The following ENPP6 variants were observed in gnomAD, a reference collection of about 807,000 sequenced individuals.
ENPP6 encodes ectonucleotide pyrophosphatase/phosphodiesterase 6, also known as glycerophosphocholine cholinephosphodiesterase ENPP6.
ENPP6 carries 32 observed loss-of-function variants against 42.0 expected under a neutral mutation model. That is an observed-to-expected ratio of 0.76 (90% confidence interval 0.58 to 1.02). ENPP6 has a LOEUF of 1.02. Among genes scored for constraint, ENPP6 ranks in the 50% least tolerant of loss-of-function variants. The pLI is 0.00. For synonymous variants in ENPP6, 213 were observed against 216.0 expected, an observed-to-expected ratio of 0.99 and a Z score of 0.12; for missense variants, 552 against 566.8, an observed-to-expected ratio of 0.97 and a Z score of 0.27.
At chr4:184,103,239 A>G (rs1157416720) in intron 6 of ENPP6, among the ~76,000 whole-genome samples, 1 of 152,182 alleles carries the variant, frequency 6.6e-6, no homozygotes, top group Non-Finnish European at 1.5e-5. Flanking sequence ...CATTTTGACT[A>G]TTGTGTCTCC....
Position 184,184,228 on chromosome 4 carries a change from G to GAACTTTA in ENPP6, c.242-30496_242-30495insTAAAGTT, listed in dbSNP as rs1732597396. Among the ~76,000 whole-genome samples the GAACTTTA allele has an allele frequency of 6.6e-6, 1 of 152,138 alleles. No homozygotes were observed. Among genetic ancestry groups the GAACTTTA allele is most frequent in the African/African-American group, 2.4e-5 (1 of 41,426 alleles). On this transcript the variant is annotated intron_variant, in intron 1 of 7. Coordinates refer to ENST00000296741, the MANE Select transcript of ENPP6 (RefSeq NM_153343.4). This position sits in a 1 kb window ranked among gnomAD's most constrained non-coding sequence, Gnocchi z 4.7. Reference sequence around the variant, plus strand: ...ACGACAACCACAGATTTAGCACCAAGAGCTTTAAGTTTGGAATGATTATAT... The same window carrying GAACTTTA: ...ACGACAACCACAGATTTAGCACCAAGAACTTTAAGCTTTAAGTTTGGAATGATTATAT...
At chr4:184,166,838 C>G (rs894884008) in intron 1 of ENPP6, among the ~76,000 whole-genome samples, 1 of 152,228 alleles carries the variant, frequency 6.6e-6, no homozygotes, top group Non-Finnish European at 1.5e-5. Flanking sequence ...TTCCTTTTCC[C>G]ACCCACTGTG....
intron 6 of ENPP6, among the ~76,000 whole-genome samples, chr4:184,101,221 G>C (rs1383346894): frequency 6.6e-6 from 1 of 151,882 alleles, no homozygotes; most frequent in Non-Finnish European, 1.5e-5. Flanking sequence ...ATGAGTGTAA[G>C]CATGTGTGTG....
intron 6 of ENPP6, among the ~76,000 whole-genome samples, chr4:184,109,436 T>C (rs946365927): frequency 1.3e-5 from 2 of 152,154 alleles, no homozygotes; most frequent in African/African-American, 4.8e-5. Flanking sequence ...TCTATGCATG[T>C]CATTGAAGCT....
At position 184,135,165 on chromosome 4, in the gene ENPP6, A is replaced by G. The variant is rs551391680; in HGVS notation, c.422-10893T>C. On this transcript the variant is annotated intron_variant, in intron 2 of 7. Transcript: ENST00000296741. ...TCATGTATACTTGAAAATAATGTTCATTCAGCAGCTAGGTGCAGAGTTCTA... is the reference window on the plus strand; with the variant it reads ...TCATGTATACTTGAAAATAATGTTCGTTCAGCAGCTAGGTGCAGAGTTCTA... Among the ~76,000 whole-genome samples the G allele has an allele frequency of 2.0e-5, 3 of 152,300 alleles. No individual in the cohort carries two copies. The South Asian group carries it at 6.2e-4, about 32-fold the overall frequency.
chr4:184,192,371 G>A (rs1732722987), intron 1 of ENPP6, among the ~76,000 whole-genome samples: 1 of 152,156 alleles, frequency 6.6e-6, no homozygotes, highest in African/African-American at 2.4e-5. Flanking sequence ...GTCAGAAATA[G>A]TCAATGGAAA....
At chr4:184,093,683 A>G (rs529136505) in intron 7 of ENPP6, among the ~76,000 whole-genome samples, 2 of 148,400 alleles carry the variant, frequency 1.3e-5, no homozygotes, top group Admixed American at 6.8e-5. Flanking sequence ...TAATAATAAT[A>G]ATGTAAAACC....
chr4:184,176,735 A>T (rs1391459722), intron 1 of ENPP6, among the ~76,000 whole-genome samples: 1 of 48,130 alleles, frequency 2.1e-5, no homozygotes, highest in Non-Finnish European at 9.5e-5. Context: ...TTTAATCATG[A>T]GAAATTAGCA....
intron 3 of ENPP6, among the ~76,000 whole-genome samples, chr4:184,120,793 C>T (rs1736402715): frequency 1.3e-5 from 2 of 152,194 alleles, no homozygotes; most frequent in African/African-American, 4.8e-5. Flanking sequence ...TAGGATGGCC[C>T]CAAAGAGAAC....
chr4:184,171,880 C>T (rs1737472088), intron 1 of ENPP6, among the ~76,000 whole-genome samples: 1 of 152,056 alleles, frequency 6.6e-6, no homozygotes, highest in African/African-American at 2.4e-5. Context: ...CCTCAGGAAT[C>T]TTGCTCGCGG....
chr4:184,199,236 G>C (rs907708399), intron 1 of ENPP6, among the ~76,000 whole-genome samples: 3 of 152,176 alleles, frequency 2.0e-5, no homozygotes, highest in Non-Finnish European at 4.4e-5. Flanking sequence ...CAGCCTCAAA[G>C]TTACCCATCT....
chr4:184,102,345 C>T (rs971993414), intron 6 of ENPP6, among the ~76,000 whole-genome samples: 1 of 152,168 alleles, frequency 6.6e-6, no homozygotes, highest in Non-Finnish European at 1.5e-5. Context: ...AGGCGAGGAG[C>T]ACTGAGTGGT....
chr4:184,097,187 CT>C lies in ENPP6; in HGVS notation c.1117+57del. 3 of 1,608,462 alleles carry C rather than the reference CT, an allele frequency of 1.9e-6. No individual in the cohort carries two copies. In the South Asian group the frequency reaches 3.3e-5, roughly 18 times the overall value. On this transcript the variant is annotated intron_variant, in intron 7 of 7. Coordinates refer to ENST00000296741, the MANE Select transcript of ENPP6 (RefSeq NM_153343.4). ...GCCTCTCCTGGCACCCGTAGCCCCC[CT>C]TACAGACACTTCCTTGGGAATGGGG... is the stretch of plus-strand genomic sequence containing the variant.
At chr4:184,108,379 A>G (rs1394808415) in intron 6 of ENPP6, among the ~76,000 whole-genome samples, 1 of 152,220 alleles carries the variant, frequency 6.6e-6, no homozygotes, top group African/African-American at 2.4e-5. Context: ...GGCAAAACTT[A>G]ACATTCTTTT....
At chr4:184,201,817 C>G (rs1732909301) in intron 1 of ENPP6, among the ~76,000 whole-genome samples, 1 of 152,176 alleles carries the variant, frequency 6.6e-6, no homozygotes, top group East Asian at 1.9e-4. Context: ...ACCTCGCCTA[C>G]CATGCCTGCT....
At chr4:184,148,999 C>A (rs768151679) in intron 2 of ENPP6, among the ~76,000 whole-genome samples, 2 of 152,190 alleles carry the variant, frequency 1.3e-5, no homozygotes, top group African/African-American at 4.8e-5. Flanking sequence ...CAGGAACCAG[C>A]AAATTATGCC....
At chr4:184,127,833 A>G (rs1054134531) in intron 2 of ENPP6, among the ~76,000 whole-genome samples, 3 of 152,224 alleles carry the variant, frequency 2.0e-5, no homozygotes, top group African/African-American at 7.2e-5. Context: ...TTATGGAAGA[A>G]TAAGGTGTAT....
chr4:184,164,744 C>T (rs1385074034), intron 1 of ENPP6, among the ~76,000 whole-genome samples: 2 of 152,194 alleles, frequency 1.3e-5, no homozygotes, highest in Non-Finnish European at 2.9e-5. Flanking sequence ...TCGTCCTCAC[C>T]GTGGCCCTAA....
rs561894761 is a variant in ENPP6 at position 184,161,417 on chromosome 4, C to T, written c.242-7684G>A. 4.6e-5 allele frequency among the ~76,000 whole-genome samples: 7 copies of T among 152,264 alleles called. No individual in the cohort carries two copies. In the East Asian group the frequency reaches 1.3e-3, roughly 29 times the overall value. ...GCATGGAAGTGGTGAAAATGGAACA[C>T]TTTTACACTGTTGGTGGGAATGTAA... is the stretch of plus-strand genomic sequence containing the variant. On this transcript the variant is annotated intron_variant, in intron 1 of 7. Transcript: ENST00000296741.
Sources: allele counts gnomAD v4.1 joint callset (sites outside exome capture counted in the v4.1 genomes callset), GRCh38; gene constraint gnomAD v4.1.1; non-coding constraint Gnocchi (gnomAD v3.1); transcripts MANE v1.5; gene names NCBI Gene and HGNC (gene_info 2026-07-23, HGNC 2026-07-21).